The following SPTB variants were observed in gnomAD, a reference collection of about 807,000 sequenced individuals.
The protein encoded by SPTB is spectrin beta chain, erythrocytic.
A neutral mutation model predicts 256.2 loss-of-function variants in SPTB; 45 were observed. The observed-to-expected ratio is 0.18, with a 90% CI of 0.14 to 0.23. The LOEUF (loss-of-function observed/expected upper bound fraction) is 0.23. Ranked by LOEUF, SPTB falls within the 10% of genes least tolerant of loss-of-function variation. The probability of loss-of-function intolerance (pLI) is 1.00; values close to 1 mark genes in which losing one functional copy is unlikely to be tolerated. For synonymous variants in SPTB, 1,231 were observed against 1,243.1 expected, an observed-to-expected ratio of 0.99 and a Z score of 0.21; for missense variants, 2,715 against 3,040.4, an observed-to-expected ratio of 0.89 and a Z score of 2.52.
At chr14:64,870,418 G>C (rs190368247) in intron 1 of SPTB, among the ~76,000 whole-genome samples, 2 of 152,184 alleles carry the variant, frequency 1.3e-5, no homozygotes, top group Non-Finnish European at 2.9e-5. Context: ...AGCTCAAGGA[G>C]ATTTTTTAGC....
intron 15 of SPTB, among the ~76,000 whole-genome samples, chr14:64,791,439 G>A (rs373356386): frequency 1.8e-4 from 27 of 151,930 alleles, no homozygotes; most frequent in East Asian, 1.7e-3. Context: ...TGTATCGCAC[G>A]CCTGTAATCC....
At chr14:64,842,477 T>C (rs76542948) in intron 1 of SPTB, among the ~76,000 whole-genome samples, 1,721 of 152,290 alleles carry the variant, frequency 0.011, 40 homozygotes, top group African/African-American at 0.039. Context: ...AGCCACTTAG[T>C]AGCTGGGAGC....
intron 27 of SPTB, 59 bp from the exon 28 acceptor site, chr14:64,769,787 T>A: frequency 6.2e-7 from 1 of 1,610,500 alleles, no homozygotes; most frequent in Non-Finnish European, 8.5e-7. Context: ...CCTGCCTCTG[T>A]GTCCCAACCA....
At chr14:64,811,416 A>G (rs1051815216) in intron 2 of SPTB, among the ~76,000 whole-genome samples, 3 of 152,230 alleles carry the variant, frequency 2.0e-5, no homozygotes, top group Non-Finnish European at 4.4e-5. Context: ...GTTTGAACAA[A>G]CTAATCATAA....
rs1165706780 is a variant in SPTB at position 64,827,620 on chromosome 14, G to T, written c.-51-4475C>A. On this transcript the variant is annotated intron_variant, in intron 1 of 35. Transcript: ENST00000644917. This position sits in a 1 kb window ranked among gnomAD's most constrained non-coding sequence, Gnocchi z 4.6. ...CTCTCCCTCTGATCATAATCGCATTGCACATTCACAGGTACCTTAAAGAAT... is the reference window on the plus strand; with the variant it reads ...CTCTCCCTCTGATCATAATCGCATTTCACATTCACAGGTACCTTAAAGAAT... Among the ~76,000 whole-genome samples the T allele has an allele frequency of 6.6e-6, 1 of 152,090 alleles. No homozygotes were observed. Among genetic ancestry groups the T allele is most frequent in the East Asian group, 1.9e-4 (1 of 5,186 alleles).
In SPTB at chr14:64,824,455, T is replaced by G. The variant is rs1431039554; in HGVS notation, c.-51-1310A>C. ...GCTTGGTCTTCAATGCCCTGGACCCTAGGAAAACTATTAGCTTTCTTCATC... is the reference window on the plus strand; with the variant it reads ...GCTTGGTCTTCAATGCCCTGGACCCGAGGAAAACTATTAGCTTTCTTCATC... On this transcript the variant is annotated intron_variant, in intron 1 of 35. Coordinates refer to ENST00000644917, the MANE Select transcript of SPTB (RefSeq NM_001355436.2). This position sits in a 1 kb window ranked among gnomAD's most constrained non-coding sequence, Gnocchi z 5.7. Among the ~76,000 whole-genome samples the G allele has an allele frequency of 1.3e-5, 2 of 152,108 alleles. No individual in the cohort carries two copies. Among genetic ancestry groups the G allele is most frequent in the Non-Finnish European group, 2.9e-5 (2 of 68,000 alleles).
intron 33 of SPTB, 161 bp from the exon 34 acceptor site, chr14:64,750,315 A>G: frequency 1.3e-6 from 1 of 798,242 alleles, no homozygotes; most frequent in Non-Finnish European, 1.9e-6. Flanking sequence ...TTCATTACAA[A>G]AAATTAGCTA....
chr14:64,808,384 T>C (rs1013502774), intron 2 of SPTB, among the ~76,000 whole-genome samples: 3 of 152,198 alleles, frequency 2.0e-5, no homozygotes, highest in African/African-American at 7.2e-5. Context: ...GTTAGGTCTT[T>C]GCCTAGAAAA....
At chr14:64,842,866 T>G (rs767392936) in intron 1 of SPTB, among the ~76,000 whole-genome samples, 2 of 152,066 alleles carry the variant, frequency 1.3e-5, no homozygotes, top group African/African-American at 2.4e-5. Context: ...ACCCAGGAGT[T>G]TGAGACCAGC....
rs75275520 is a variant in SPTB at position 64,824,978 on chromosome 14, C to G, written c.-51-1833G>C. Reference sequence around the variant, plus strand: ...AGGAGGAGGCCTCCCCAGGGTCATCCGGTGGAATGACTGCGGCTGGGACCA... The same window carrying G: ...AGGAGGAGGCCTCCCCAGGGTCATCGGGTGGAATGACTGCGGCTGGGACCA... On this transcript the variant is annotated intron_variant, in intron 1 of 35. Coordinates refer to ENST00000644917, the MANE Select transcript of SPTB (RefSeq NM_001355436.2). This position sits in a 1 kb window ranked among gnomAD's most constrained non-coding sequence, Gnocchi z 5.7. Among the ~76,000 whole-genome samples the G allele has an allele frequency of 3.1e-3, 468 of 152,236 alleles. 6 individuals carry two copies. Among genetic ancestry groups the G allele is most frequent in the East Asian group, 0.019 (97 of 5,174 alleles).
At chr14:64,797,603 C>CAACATGTG in intron 10 of SPTB, 126 bp downstream of exon 10, 1 of 792,232 alleles carries the variant, frequency 1.3e-6, no homozygotes, top group Non-Finnish European at 2.2e-6. Context: ...CCCAAATAGT[C>CAACATGTG]AACATGTGGA....
In SPTB at chr14:64,796,014, A is replaced by T. The variant is rs1375665112; in HGVS notation, c.1342-375T>A. 1.3e-5 allele frequency among the ~76,000 whole-genome samples: 2 copies of T among 152,086 alleles called. No individual in the cohort carries two copies. Among genetic ancestry groups the T allele is most frequent in the Admixed American group, 1.3e-4 (2 of 15,276 alleles). On this transcript the variant is annotated intron_variant, in intron 11 of 35. Transcript: ENST00000644917. The surrounding 1 kb of genome is among the most constrained non-coding windows in gnomAD (Gnocchi z 4.1). ...CGGAAACCCATGCACCAGCAAACAG[A>T]TGGTTTATTCACATGCTATCTGGGG...
chr14:64,869,892 A>G (rs1290492627), intron 1 of SPTB, among the ~76,000 whole-genome samples: 1 of 151,658 alleles, frequency 6.6e-6, no homozygotes, highest in African/African-American at 2.4e-5. Context: ...AGCCTCCTAA[A>G]GTGCTGGGAT....
chr14:64,770,414 G>T (rs2082261246), intron 27 of SPTB, among the ~76,000 whole-genome samples: 1 of 152,204 alleles, frequency 6.6e-6, no homozygotes, highest in Non-Finnish European at 1.5e-5. Context: ...AAGTGACACA[G>T]ACTGGGCAGA....
chr14:64,784,324 G>A lies in SPTB; in HGVS notation c.3925C>T (p.His1309Tyr). ...GCCTGGTGCTTTAGCCATTTATTGT[G>A]AAGGTTTCGTGCTTCATCATAGGAG... ...DVSYDEARNL[H>Y]NKWLKHQAFV... Residue 1309 changes from histidine (H) to tyrosine (Y), a missense_variant, in exon 19 of 36, where the codon CAC becomes TAC. Transcript: ENST00000644917. 6.2e-7 allele frequency: 1 copy of A among 1,614,262 alleles called. No individual in the cohort carries two copies. Among genetic ancestry groups the A allele is most frequent in the African/African-American group, 1.3e-5 (1 of 75,076 alleles).
rs1444211701 is a variant in SPTB, at chr14:64,866,624, CAG to C, written c.-52+13166_-52+13167del. On this transcript the variant is annotated intron_variant, in intron 1 of 35. Transcript: ENST00000644917. This position sits in a 1 kb window ranked among gnomAD's most constrained non-coding sequence, Gnocchi z 4.6. ...GATTGCAGTGGGAGTGCATCCATGA[CAG>C]AGAGTTTTGTTGAAAGGAACAAAAC... 6.6e-6 allele frequency among the ~76,000 whole-genome samples: 1 copy of C among 152,038 alleles called. No individual in the cohort carries two copies. Among genetic ancestry groups the C allele is most frequent in the Admixed American group, 6.6e-5 (1 of 15,266 alleles).
In SPTB at chr14:64,803,594, C is replaced by A. The variant is rs201559808; in HGVS notation, c.474+13G>T. The A allele has an allele frequency of 4.2e-5, 67 of 1,613,932 alleles. No homozygotes were observed. Among genetic ancestry groups the A allele is most frequent in the Non-Finnish European group, 5.6e-5 (66 of 1,180,042 alleles). On this transcript the variant is annotated intron_variant, in intron 4 of 35. Coordinates refer to ENST00000644917, the MANE Select transcript of SPTB (RefSeq NM_001355436.2). Reference sequence around the variant, plus strand: ...AGGGCTCCCTCGACTTCCTCTACCCCCCAGGAACCCACCTGGAAGCGGAGG... The same window carrying A: ...AGGGCTCCCTCGACTTCCTCTACCCACCAGGAACCCACCTGGAAGCGGAGG...
chr14:64,866,585 G>A lies in SPTB; in HGVS notation c.-52+13207C>T, dbSNP rs1358498593. ...TCACTGGGTGCAGGACGAGGCAGGAGAAGAGAGCGGCTGGATTGCAGTGGG... is the reference window on the plus strand; with the variant it reads ...TCACTGGGTGCAGGACGAGGCAGGAAAAGAGAGCGGCTGGATTGCAGTGGG... On this transcript the variant is annotated intron_variant, in intron 1 of 35. Transcript: ENST00000644917. This position sits in a 1 kb window ranked among gnomAD's most constrained non-coding sequence, Gnocchi z 4.6. Among the ~76,000 whole-genome samples, 2 of 152,152 alleles carry A rather than the reference G, an allele frequency of 1.3e-5. No individual in the cohort carries two copies. The highest frequency in any genetic ancestry group is 2.9e-5 in the Non-Finnish European group (2 of 68,028).
chr14:64,794,514 T>G lies in SPTB; in HGVS notation c.1748A>C (p.Lys583Thr), dbSNP rs1033968687. ...MEADIAIQGDKVKAITAATLK... is the reference protein window; with the variant it reads ...MEADIAIQGDTVKAITAATLK... ...GGTGGCTGCGGTGATGGCCTTCACT[T>G]TGTCCCCTTGGATGGCGATGTCAGC... Residue 583 changes from lysine (K) to threonine (T), a missense_variant, in exon 13 of 36, where the codon AAA becomes ACA. Lys to Thr is a moderately conservative substitution (Grantham distance 78). Coordinates refer to ENST00000644917, the MANE Select transcript of SPTB (RefSeq NM_001355436.2). 1.9e-6 allele frequency: 3 copies of G among 1,614,058 alleles called. No homozygotes were observed. The African/African-American group carries it at 4.0e-5, about 22-fold the overall frequency.
Sources: allele counts gnomAD v4.1 joint callset (sites outside exome capture counted in the v4.1 genomes callset), GRCh38; gene constraint gnomAD v4.1.1; non-coding constraint Gnocchi (gnomAD v3.1); transcripts MANE v1.5; gene names NCBI Gene and HGNC (gene_info 2026-07-23, HGNC 2026-07-21).